Variants in SHISA9 observed in about 807,000 individuals in gnomAD.
The protein encoded by SHISA9 is protein shisa-9.
A neutral mutation model predicts 38.0 loss-of-function variants in SHISA9; 13 were observed. The observed-to-expected ratio is 0.34, with a 90% CI of 0.22 to 0.54. The LOEUF (loss-of-function observed/expected upper bound fraction) is 0.54. SHISA9 is among the 20% of genes least tolerant of loss of function. SHISA9 has a pLI of 0.91. For missense variants in SHISA9, 538 were observed against 575.8 expected, an observed-to-expected ratio of 0.93 and a Z score of 0.67; for synonymous variants, 275 against 242.0, an observed-to-expected ratio of 1.14 and a Z score of -1.27.
At chr16:13,471,665 T>C in the SHISA9 span, among the ~76,000 whole-genome samples, 1 of 145,398 alleles carries the variant, frequency 6.9e-6, no homozygotes, top group East Asian at 2.1e-4. Context: ...GGGAGCTACC[T>C]GACCTGCAGT....
rs534435529 is a variant in SHISA9 at position 12,955,694 on chromosome 16, G to A, written c.691+38879G>A. 3.0e-4 allele frequency among the ~76,000 whole-genome samples: 45 copies of A among 150,048 alleles called. 1 individual carries two copies. Among genetic ancestry groups the A allele is most frequent in the Non-Finnish European group, 5.2e-4 (35 of 67,728 alleles). On this transcript the variant is annotated intron_variant, in intron 2 of 4. Transcript: ENST00000558583. ...TTAAATAAATGGTACTGGGAGAATT[G>A]GCTAGCCATATGCAGAAAAATAAAA...
chr16:12,957,462 T>C (rs2071851435), intron 2 of SHISA9, among the ~76,000 whole-genome samples: 1 of 152,176 alleles, frequency 6.6e-6, no homozygotes, highest in South Asian at 2.1e-4. Context: ...TGCAGACTGC[T>C]AACTTCTCTG....
chr16:13,077,369 T>C (rs1180854762), intron 2 of SHISA9, among the ~76,000 whole-genome samples: 1 of 152,102 alleles, frequency 6.6e-6, no homozygotes, highest in Non-Finnish European at 1.5e-5. Flanking sequence ...CTTGTCCTCA[T>C]ATTGAAGCAC....
chr16:13,263,715 G>A, the SHISA9 span, among the ~76,000 whole-genome samples: 2 of 152,170 alleles, frequency 1.3e-5, no homozygotes, highest in African/African-American at 2.4e-5. Context: ...CTACATGACT[G>A]TGTATAAAAT....
intron 2 of SHISA9, among the ~76,000 whole-genome samples, chr16:13,127,462 G>C (rs1216294064): frequency 6.6e-6 from 1 of 151,834 alleles, no homozygotes; most frequent in Non-Finnish European, 1.5e-5. Context: ...GGGAGGGAGA[G>C]AGAGAAACAA....
chr16:13,281,552 C>G, the SHISA9 span, among the ~76,000 whole-genome samples: 4 of 139,608 alleles, frequency 2.9e-5, no homozygotes, highest in Non-Finnish European at 4.7e-5. Flanking sequence ...TTTTTGTTCT[C>G]ATTCCTCTGT....
At chr16:13,421,601 A>G in the SHISA9 span, among the ~76,000 whole-genome samples, 1 of 152,350 alleles carries the variant, frequency 6.6e-6, no homozygotes, top group South Asian at 2.1e-4. Context: ...ACGTAGAGAC[A>G]CAGAGCCAAA....
chr16:12,957,903 A>G (rs1458404051), intron 2 of SHISA9, among the ~76,000 whole-genome samples: 2 of 152,138 alleles, frequency 1.3e-5, no homozygotes, highest in Admixed American at 1.3e-4. Flanking sequence ...CTATTCTTGT[A>G]AAGACACTGA....
At chr16:13,083,408 T>G (rs529242984) in intron 2 of SHISA9, among the ~76,000 whole-genome samples, 1 of 152,278 alleles carries the variant, frequency 6.6e-6, no homozygotes. Flanking sequence ...GCATCTTAGG[T>G]TGGATTCCCT....
At chr16:13,090,650 G>T (rs1229537905) in intron 2 of SHISA9, among the ~76,000 whole-genome samples, 1 of 152,118 alleles carries the variant, frequency 6.6e-6, no homozygotes, top group East Asian at 1.9e-4. Context: ...CTTTCCATTT[G>T]CTTGATAGAT....
chr16:13,341,414 C>A, the SHISA9 span, among the ~76,000 whole-genome samples: 1 of 152,076 alleles, frequency 6.6e-6, no homozygotes. Context: ...CCCAATAAAA[C>A]CTTTCATGCT....
At chr16:12,975,800 A>G (rs1477975859) in intron 2 of SHISA9, among the ~76,000 whole-genome samples, 5 of 152,064 alleles carry the variant, frequency 3.3e-5, no homozygotes, top group African/African-American at 1.2e-4. Context: ...ATTCTTGGTC[A>G]TCCTTGAAGG....
chr16:13,178,326 G>GT (rs11442158), intron 2 of SHISA9, among the ~76,000 whole-genome samples: 3,585 of 142,188 alleles, frequency 0.025, 97 homozygotes, highest in African/African-American at 0.073. Context: ...CTCTCTCTGG[G>GT]TTTTTTTTTT....
chr16:13,554,374 C>A, the SHISA9 span, among the ~76,000 whole-genome samples: 1 of 150,206 alleles, frequency 6.7e-6, no homozygotes, highest in Non-Finnish European at 1.5e-5. Flanking sequence ...AAACAGAGGA[C>A]TTATATGCTA....
the SHISA9 span, among the ~76,000 whole-genome samples, chr16:13,359,767 T>C: frequency 6.6e-6 from 1 of 152,230 alleles, no homozygotes; most frequent in African/African-American, 2.4e-5. Flanking sequence ...ACTTTCCTTG[T>C]GTGAAGCAGG....
chr16:13,119,605 A>T (rs13334567), intron 2 of SHISA9, among the ~76,000 whole-genome samples: 1,524 of 152,338 alleles, frequency 0.01, 37 homozygotes, highest in African/African-American at 0.035. Flanking sequence ...CGAATAACAA[A>T]TAAGTTAATT....
chr16:13,458,493 TA>T, the SHISA9 span: 2 of 403,226 alleles, frequency 5.0e-6, no homozygotes, highest in South Asian at 3.9e-5. Context: ...TAGAAATTGG[TA>T]ATCTAGAAAA....
At chr16:13,018,423 C>A (rs1267012680) in intron 2 of SHISA9, among the ~76,000 whole-genome samples, 1 of 152,210 alleles carries the variant, frequency 6.6e-6, no homozygotes, top group Non-Finnish European at 1.5e-5. Context: ...CTCTCCTACT[C>A]TCAGTCTGTC....
chr16:13,253,302 T>C, the SHISA9 span, among the ~76,000 whole-genome samples: 3 of 152,134 alleles, frequency 2.0e-5, no homozygotes, highest in African/African-American at 7.2e-5. Context: ...AACTGTATCG[T>C]GAGGCTGAGG....
Sources: allele counts gnomAD v4.1 joint callset (sites outside exome capture counted in the v4.1 genomes callset), GRCh38; gene constraint gnomAD v4.1.1; transcripts MANE v1.5; gene names NCBI Gene and HGNC (gene_info 2026-07-23, HGNC 2026-07-21).